Variants in IHO1 observed in about 807,000 individuals in gnomAD.
The protein encoded by IHO1 is interactor of HORMAD1 1, also known as interactor of HORMAD1 protein 1.
IHO1 carries 13 observed loss-of-function variants against 31.0 expected under a neutral mutation model. That is an observed-to-expected ratio of 0.42 (90% CI 0.27 to 0.67). The LOEUF (loss-of-function observed/expected upper bound fraction) is 0.67, where lower values mean the gene tolerates loss of function less well. Ranked by LOEUF, IHO1 falls within the 30% of genes least tolerant of loss-of-function variation. IHO1 has a pLI of 0.24. For synonymous variants in IHO1, 221 were observed against 248.4 expected, an observed-to-expected ratio of 0.89 and a Z score of 1.04; for missense variants, 599 against 687.5, an observed-to-expected ratio of 0.87 and a Z score of 1.44.
At chr3:49,216,876 CAT>C in intron 2 of IHO1, among the ~76,000 whole-genome samples, 1 of 152,296 alleles carries the variant, frequency 6.6e-6, no homozygotes, top group Middle Eastern at 3.4e-3. Flanking sequence ...AACCAACAGA[CAT>C]ATGCAGAAAT....
intron 2 of IHO1, 142 bp downstream of exon 2, chr3:49,211,978 C>A (rs967532060): frequency 4.1e-6 from 2 of 491,256 alleles, no homozygotes; most frequent in Non-Finnish European, 7.6e-6. Flanking sequence ...CTGGCTAACA[C>A]GGTGAAACCC....
intron 2 of IHO1, among the ~76,000 whole-genome samples, chr3:49,214,656 T>TTTTTTTTTA (rs2046266817): frequency 9.2e-6 from 1 of 108,890 alleles, no homozygotes; most frequent in Non-Finnish European, 1.9e-5. Flanking sequence ...TTTTTTTTTT[T>TTTTTTTTTA]GAGACGGAGT....
At chr3:49,191,865 G>T in the IHO1 span, 2 of 1,248,574 alleles carry the variant, frequency 1.6e-6, no homozygotes, top group South Asian at 1.3e-5. Flanking sequence ...ATTTTTTGTT[G>T]CTTAGTGACA....
At chr3:49,255,110 A>G (rs748694995) in intron 6 of IHO1, among the ~76,000 whole-genome samples, 28 of 152,052 alleles carry the variant, frequency 1.8e-4, no homozygotes, top group Middle Eastern at 6.8e-3. Context: ...CAGAGGGTGC[A>G]TTCTACTAAG....
intron 2 of IHO1, among the ~76,000 whole-genome samples, chr3:49,213,182 G>GC (rs2046244119): frequency 6.6e-6 from 1 of 151,330 alleles, no homozygotes; most frequent in Non-Finnish European, 1.5e-5. Context: ...CAATCCCTTA[G>GC]CTAGACATAA....
rs2046264579 is a variant in IHO1, at chr3:49,214,626, A to ACATATATATATATATATATT, written c.56+2790_56+2791insCATATATATATATATATATT. On this transcript the variant is annotated intron_variant, in intron 2 of 7. Transcript: ENST00000452691. ...CTAGATCATATATATATATATATAT[A>ACATATATATATATATATATT]TATATATTTTTTTTTTTTTTTTTTT... is the stretch of plus-strand genomic sequence containing the variant. Among the ~76,000 whole-genome samples the ACATATATATATATATATATT allele has an allele frequency of 9.7e-5, 2 of 20,714 alleles. 1 individual carries two copies. The highest frequency in any genetic ancestry group is 1.8e-4 in the Non-Finnish European group (2 of 11,212). 13.6% of individuals were successfully genotyped at this position (20,714 alleles called of 152,430 possible).
At chr3:49,197,416 C>T (rs530210693), upstream of IHO1, among the ~76,000 whole-genome samples, 1 of 152,284 alleles carries the variant, frequency 6.6e-6, no homozygotes, top group African/African-American at 2.4e-5. Context: ...CCACCTTGGC[C>T]TCCCAAAGTT....
intron 2 of IHO1, among the ~76,000 whole-genome samples, chr3:49,227,488 C>A (rs574941731): frequency 3.3e-5 from 5 of 152,282 alleles, no homozygotes; most frequent in Admixed American, 3.3e-4. Flanking sequence ...GACGCAGCAG[C>A]AGAAACAGTA....
At chr3:49,205,388 T>G (rs1056121315) in intron 1 of IHO1, among the ~76,000 whole-genome samples, 2 of 151,062 alleles carry the variant, frequency 1.3e-5, no homozygotes, top group Admixed American at 6.6e-5. Flanking sequence ...GTACAATCTC[T>G]GCTCACTGCA....
At chr3:49,252,666 C>T (rs1191769733) in intron 6 of IHO1, among the ~76,000 whole-genome samples, 1 of 152,182 alleles carries the variant, frequency 6.6e-6, no homozygotes, top group Non-Finnish European at 1.5e-5. Flanking sequence ...AAGCAATCCT[C>T]CCGCCTCAGT....
intron 1 of IHO1, among the ~76,000 whole-genome samples, chr3:49,209,531 G>T (rs573397696): frequency 6.6e-6 from 1 of 151,778 alleles, no homozygotes; most frequent in Admixed American, 6.6e-5. Context: ...GGCTACTCAG[G>T]AGGCTGAGGC....
chr3:49,255,272 A>C, intron 6 of IHO1, 118 bp from the exon 7 acceptor site: 10 of 641,196 alleles, frequency 1.6e-5, no homozygotes, highest in Non-Finnish European at 2.4e-5. Context: ...AGCCTGGAGG[A>C]ACCACTCCGG....
Position 49,256,993 on chromosome 3 carries a change from C to G in IHO1, c.1496C>G (p.Pro499Arg). Residue 499 changes from proline to arginine, a missense_variant, in exon 8 of 8, where the codon CCT becomes CGT. Transcript: ENST00000452691. This position sits in a 1 kb window ranked among gnomAD's most constrained non-coding sequence, Gnocchi z 4.6. ...GGGCAGCAGGAACCCCGTGCTCAGC[C>G]TCTGCATCTGCAGTGTCCCAGGAGC... ...FLGQQEPRAQ[P>R]LHLQCPRSPR... The G allele has an allele frequency of 6.2e-7, 1 of 1,614,196 alleles. No homozygotes were observed. Among genetic ancestry groups the G allele is most frequent in the Non-Finnish European group, 8.5e-7 (1 of 1,180,032 alleles).
At chr3:49,234,992 G>T (rs1196899578) in intron 2 of IHO1, among the ~76,000 whole-genome samples, 1 of 149,950 alleles carries the variant, frequency 6.7e-6, no homozygotes, top group Non-Finnish European at 1.5e-5. Context: ...GATTACAGGT[G>T]TCTGCCACCA....
rs1446221878 is a variant in IHO1, at chr3:49,256,475, G to C, written c.978G>C (p.Lys326Asn). The C allele has an allele frequency of 6.2e-7, 1 of 1,614,188 alleles. No homozygotes were observed. Among genetic ancestry groups the C allele is most frequent in the Non-Finnish European group, 8.5e-7 (1 of 1,180,040 alleles). Residue 326 changes from lysine to asparagine, a missense_variant, in exon 8 of 8, where the codon AAG becomes AAC. Lys to Asn is a moderately conservative substitution (Grantham distance 94). Transcript: ENST00000452691. The surrounding 1 kb of genome is among the most constrained non-coding windows in gnomAD (Gnocchi z 4.6). ...TTGATGTCTGGGGTGAAGGAGCAAA[G>C]AATGATGATCTCCAAGAAGAGGCTG... ...GEFDVWGEGA[K>N]NDDLQEEAAL...
intron 4 of IHO1, among the ~76,000 whole-genome samples, chr3:49,242,611 T>G (rs1360390929): frequency 6.6e-6 from 1 of 152,150 alleles, no homozygotes; most frequent in African/African-American, 2.4e-5. Context: ...TCATCAGGAT[T>G]AGGAAGTTGG....
At chr3:49,230,701 G>A (rs772859619) in intron 2 of IHO1, among the ~76,000 whole-genome samples, 4 of 152,152 alleles carry the variant, frequency 2.6e-5, no homozygotes, top group Non-Finnish European at 5.9e-5. Context: ...ACAAAATTCA[G>A]ACTAATACTC....
chr3:49,234,155 TG>T (rs2046518573), intron 2 of IHO1, among the ~76,000 whole-genome samples: 1 of 132,482 alleles, frequency 7.5e-6, no homozygotes, highest in African/African-American at 2.7e-5. Flanking sequence ...AGATGTCTTT[TG>T]TTGTTGTTTT....
upstream of IHO1, among the ~76,000 whole-genome samples, chr3:49,196,167 C>T (rs749655528): frequency 3.7e-4 from 54 of 144,918 alleles, no homozygotes; most frequent in Admixed American, 1.9e-3. Context: ...AGAGGCAGAG[C>T]TTGCAGTGAG....
Sources: allele counts gnomAD v4.1 joint callset (sites outside exome capture counted in the v4.1 genomes callset), GRCh38; gene constraint gnomAD v4.1.1; non-coding constraint Gnocchi (gnomAD v3.1); transcripts MANE v1.5; gene names NCBI Gene and HGNC (gene_info 2026-07-23, HGNC 2026-07-21).